Variants in GRIN3A observed in about 807,000 individuals in gnomAD.
The protein encoded by GRIN3A is glutamate receptor ionotropic, NMDA 3A.
GRIN3A carries 47 observed loss-of-function variants against 92.4 expected under a neutral mutation model. The ratio of observed to expected loss-of-function variants is 0.51; its 90% confidence interval spans 0.40 to 0.65. GRIN3A has a LOEUF of 0.65. GRIN3A is among the 30% of genes least tolerant of loss of function. The pLI, the probability that GRIN3A is intolerant of heterozygous loss-of-function variation, is 0.00. For synonymous variants in GRIN3A, 527 were observed against 540.6 expected, an observed-to-expected ratio of 0.97 and a Z score of 0.35; for missense variants, 1,324 against 1,393.1, an observed-to-expected ratio of 0.95 and a Z score of 0.79.
chr9:101,616,616 C>T (rs1297289200), intron 5 of GRIN3A, among the ~76,000 whole-genome samples: 2 of 151,376 alleles, frequency 1.3e-5, no homozygotes, highest in African/African-American at 4.9e-5. Context: ...CATCTCAAGC[C>T]TTTTTCTTTT....
intron 1 of GRIN3A, among the ~76,000 whole-genome samples, chr9:101,702,444 A>C (rs1376832790): frequency 7.2e-5 from 11 of 152,108 alleles, no homozygotes; most frequent in Non-Finnish European, 1.6e-4. Flanking sequence ...CATATGACTC[A>C]CCTCTACATA....
At chr9:101,589,056 C>T (rs61437380) in intron 6 of GRIN3A, among the ~76,000 whole-genome samples, 8,432 of 152,164 alleles carry the variant, frequency 0.055, 323 homozygotes, top group South Asian at 0.1. Flanking sequence ...CTGCAACCTC[C>T]GCCTTTCTGG....
intron 1 of GRIN3A, among the ~76,000 whole-genome samples, chr9:101,712,002 C>A (rs1243401442): frequency 6.6e-6 from 1 of 152,190 alleles, no homozygotes; most frequent in Non-Finnish European, 1.5e-5. Context: ...GAGCAACACC[C>A]CTTTTCCTCA....
At chr9:101,574,283 T>C (rs1171982006) in intron 8 of GRIN3A, among the ~76,000 whole-genome samples, 1 of 152,224 alleles carries the variant, frequency 6.6e-6, no homozygotes, top group East Asian at 1.9e-4. Context: ...AGGGGAAGGC[T>C]GATCCTGTTT....
chr9:101,683,830 G>A (rs896154634), intron 2 of GRIN3A, among the ~76,000 whole-genome samples: 5 of 124,182 alleles, frequency 4.0e-5, no homozygotes, highest in African/African-American at 3.4e-5. Flanking sequence ...ACCATAAGGA[G>A]AGAGAGAGAG....
intron 1 of GRIN3A, among the ~76,000 whole-genome samples, chr9:101,692,903 G>A (rs940469849): frequency 2.0e-5 from 3 of 152,156 alleles, no homozygotes; most frequent in Non-Finnish European, 4.4e-5. Flanking sequence ...ATAAGGTGTA[G>A]TCCCTGCCCA....
In GRIN3A at chr9:101,573,254, G is replaced by C. The variant is rs142270850; in HGVS notation, c.3268C>G (p.Arg1090Gly). The C allele has an allele frequency of 3.3e-5, 54 of 1,613,892 alleles. No homozygotes were observed. The highest frequency in any genetic ancestry group is 4.6e-5 in the Non-Finnish European group (54 of 1,179,980). Residue 1090 changes from arginine to glycine, a missense_variant, in exon 9 of 9, where the codon CGT becomes GGT. Arg to Gly is a moderately radical substitution (Grantham distance 125). Coordinates refer to ENST00000361820, the MANE Select transcript of GRIN3A (RefSeq NM_133445.3). ...SELEKQIQVI[R>G]QELQLAVSRK... ...CTCACAGCCAGCTGCAGCTCCTGAC[G>C]GATCACCTGAATCTGCTTCTCGAGC...
chr9:101,606,984 G>A (rs1425442981), intron 6 of GRIN3A, among the ~76,000 whole-genome samples: 1 of 119,222 alleles, frequency 8.4e-6, no homozygotes, highest in Non-Finnish European at 1.6e-5. Flanking sequence ...TAATGGCACT[G>A]ATTGACAATG....
intron 6 of GRIN3A, among the ~76,000 whole-genome samples, chr9:101,586,364 A>G (rs1184040054): frequency 1.3e-5 from 2 of 152,214 alleles, no homozygotes; most frequent in Non-Finnish European, 2.9e-5. Context: ...TATTTTTTAA[A>G]TGAATGAATG....
At chr9:101,594,541 C>G (rs1202597957) in intron 6 of GRIN3A, 1 of 1,614,162 alleles carries the variant, frequency 6.2e-7, no homozygotes, top group Non-Finnish European at 8.5e-7. Context: ...GCTGGAGCTG[C>G]CAGTCCGTCA....
chr9:101,623,923 AG>A (rs1235553759), intron 4 of GRIN3A, among the ~76,000 whole-genome samples: 1 of 152,254 alleles, frequency 6.6e-6, no homozygotes, highest in African/African-American at 2.4e-5. Context: ...GTTCAGATGA[AG>A]GGTGAGTCTC....
At chr9:101,730,864 A>G (rs1830129579) in intron 1 of GRIN3A, among the ~76,000 whole-genome samples, 2 of 152,102 alleles carry the variant, frequency 1.3e-5, no homozygotes, top group African/African-American at 4.8e-5. Context: ...TTAATTCTGT[A>G]GGTAAAAATG....
intron 1 of GRIN3A, among the ~76,000 whole-genome samples, chr9:101,705,403 C>T (rs559824838): frequency 5.9e-5 from 9 of 152,168 alleles, no homozygotes; most frequent in Admixed American, 2.6e-4. Flanking sequence ...CCGCCTCCAC[C>T]TTCCCACTCC....
intron 3 of GRIN3A, among the ~76,000 whole-genome samples, chr9:101,634,347 A>AAG (rs1432546750): frequency 3.3e-5 from 5 of 150,364 alleles, no homozygotes; most frequent in Non-Finnish European, 5.9e-5. Context: ...AAAAAAAAAA[A>AAG]AAAAAGAAAA....
intron 1 of GRIN3A, among the ~76,000 whole-genome samples, chr9:101,721,569 C>G (rs1334904931): frequency 6.6e-6 from 1 of 152,072 alleles, no homozygotes; most frequent in Non-Finnish European, 1.5e-5. Flanking sequence ...AAGTTTGGAA[C>G]CTCCTAGAGA....
At chr9:101,722,915 G>C (rs968672332) in intron 1 of GRIN3A, among the ~76,000 whole-genome samples, 3 of 152,146 alleles carry the variant, frequency 2.0e-5, no homozygotes, top group African/African-American at 7.2e-5. Flanking sequence ...TAAGACTTTG[G>C]GGGACTGTAG....
chr9:101,589,156 A>G (rs1284784567), intron 6 of GRIN3A, among the ~76,000 whole-genome samples: 1 of 152,134 alleles, frequency 6.6e-6, no homozygotes, highest in East Asian at 1.9e-4. Flanking sequence ...TTTTTTTAAT[A>G]GAGATGGGGT....
In GRIN3A at chr9:101,573,091, C is replaced by A; in HGVS notation, c.*83G>T. On this transcript the variant is annotated 3_prime_UTR_variant, in exon 9 of 9. Transcript: ENST00000361820. Reference sequence around the variant, plus strand: ...GACCTCAGCTTCCCCACACCTTTGTCGATAGTTACAAAAGAGCATTACAAA... The same window carrying A: ...GACCTCAGCTTCCCCACACCTTTGTAGATAGTTACAAAAGAGCATTACAAA... 8.3e-7 allele frequency: 1 copy of A among 1,205,912 alleles called. No individual in the cohort carries two copies. The highest frequency in any genetic ancestry group is 1.5e-5 in the African/African-American group (1 of 66,870). The allele number at this position is 1,205,912 out of a possible 1,614,324, so 74.7% of individuals were successfully genotyped here.
chr9:101,573,543 T>C, intron 8 of GRIN3A, 30 bp from the exon 9 acceptor site: 4 of 1,554,530 alleles, frequency 2.6e-6, no homozygotes, highest in Non-Finnish European at 3.6e-6. Flanking sequence ...TAGATTTACT[T>C]TCCATTCTGC....
Sources: gnomAD v4.1 joint callset for allele counts (sites outside exome capture counted in the v4.1 genomes callset) on GRCh38, gnomAD v4.1.1 for gene constraint, MANE v1.5 for transcripts, NCBI Gene and HGNC (gene_info 2026-07-23, HGNC 2026-07-21) for gene names.